The following GNG2 variants were observed in gnomAD, a reference collection of about 807,000 sequenced individuals.
The protein encoded by GNG2 is guanine nucleotide-binding protein G(I)/G(S)/G(O) subunit gamma-2.
A neutral mutation model predicts 5.5 loss-of-function variants in GNG2; 5 were observed. The ratio of observed to expected loss-of-function variants is 0.91; its 90% confidence interval spans 0.48 to 1.92. The LOEUF is 1.92. Ranked by LOEUF, GNG2 falls within the 30% of genes most tolerant of loss-of-function variation. The probability of loss-of-function intolerance (pLI) is 0.01; values close to 1 mark genes in which losing one functional copy is unlikely to be tolerated. For synonymous variants in GNG2, 28 were observed against 32.0 expected (o/e 0.88, Z 0.42); for missense variants, 55 against 88.4 (o/e 0.62, Z 1.52).
chr14:51,917,051 C>T (rs1055740617), intron 2 of GNG2, among the ~76,000 whole-genome samples: 1 of 152,148 alleles, frequency 6.6e-6, no homozygotes, highest in African/African-American at 2.4e-5. Context: ...TGGGCAGAGC[C>T]TGGTGAAAGC....
At chr14:51,839,681 T>G (rs1489573165) in intron 2 of GNG2, among the ~76,000 whole-genome samples, 1 of 152,192 alleles carries the variant, frequency 6.6e-6, no homozygotes, top group Non-Finnish European at 1.5e-5. Context: ...GTTCTATATC[T>G]TGATCGTGGT....
chr14:51,838,842 T>G (rs532201007), intron 2 of GNG2, among the ~76,000 whole-genome samples: 1 of 152,138 alleles, frequency 6.6e-6, no homozygotes, highest in South Asian at 2.1e-4. Context: ...AGATCAAGGC[T>G]GCAGTGAGCT....
chr14:51,943,426 C>T (rs373991298), intron 2 of GNG2, among the ~76,000 whole-genome samples: 12 of 152,194 alleles, frequency 7.9e-5, no homozygotes, highest in African/African-American at 2.7e-4. Context: ...GAAAAAGGGA[C>T]ACTAGCAAAG....
chr14:51,957,005 T>TGCCCC (rs1566714212), intron 3 of GNG2, among the ~76,000 whole-genome samples: 1 of 152,058 alleles, frequency 6.6e-6, no homozygotes, highest in Non-Finnish European at 1.5e-5. Flanking sequence ...GAGTACCACC[T>TGCCCC]GCCCCACCCC....
At chr14:51,829,733 C>A (rs562704898) in intron 2 of GNG2, among the ~76,000 whole-genome samples, 13 of 152,252 alleles carry the variant, frequency 8.5e-5, no homozygotes, top group African/African-American at 3.1e-4. Flanking sequence ...TCCACCACTC[C>A]AATTCTGCTC....
At chr14:51,904,286 C>T (rs1555353122) in intron 2 of GNG2, among the ~76,000 whole-genome samples, 1 of 152,178 alleles carries the variant, frequency 6.6e-6, no homozygotes, top group Non-Finnish European at 1.5e-5. Flanking sequence ...TACCAGCTTC[C>T]AGTTCAGGGT....
At chr14:51,874,686 G>A (rs932160998) in intron 1 of GNG2, among the ~76,000 whole-genome samples, 9 of 151,416 alleles carry the variant, frequency 5.9e-5, no homozygotes, top group African/African-American at 1.7e-4. Context: ...AGTGAGCCAC[G>A]TTCACACCAC....
At chr14:51,950,819 A>G (rs1888931940) in intron 3 of GNG2, 54 bp downstream of exon 3, 2 of 1,033,622 alleles carry the variant, frequency 1.9e-6, no homozygotes, top group East Asian at 5.5e-5. Context: ...GGCGCATGTC[A>G]TGTGACCACT....
chr14:51,895,816 G>A (rs2140169296), intron 2 of GNG2, among the ~76,000 whole-genome samples: 1 of 152,302 alleles, frequency 6.6e-6, no homozygotes, highest in South Asian at 2.1e-4. Context: ...GGTCTTTCCT[G>A]TGCTGTTCTT....
intron 3 of GNG2, among the ~76,000 whole-genome samples, chr14:51,951,044 C>T (rs768314734): frequency 6.6e-6 from 1 of 152,014 alleles, no homozygotes; most frequent in Non-Finnish European, 1.5e-5. Context: ...TTAGAGAACA[C>T]ATAAAATATA....
chr14:51,946,530 G>A (rs990704285), intron 2 of GNG2, among the ~76,000 whole-genome samples: 11 of 152,200 alleles, frequency 7.2e-5, no homozygotes, highest in Admixed American at 5.9e-4. Context: ...ATCAAAATGT[G>A]TACAGTTTCA....
chr14:51,931,618 T>G (rs1887663705), intron 2 of GNG2, among the ~76,000 whole-genome samples: 1 of 151,704 alleles, frequency 6.6e-6, no homozygotes, highest in African/African-American at 2.4e-5. Flanking sequence ...ATCAGGGAGA[T>G]GAATCAAACC....
chr14:51,909,618 G>A (rs1428830796), intron 2 of GNG2, among the ~76,000 whole-genome samples: 1 of 152,172 alleles, frequency 6.6e-6, no homozygotes, highest in African/African-American at 2.4e-5. Flanking sequence ...GACCCCGTGA[G>A]TGACTGATTC....
At chr14:51,942,479 T>G (rs1285869038) in intron 2 of GNG2, among the ~76,000 whole-genome samples, 1 of 152,152 alleles carries the variant, frequency 6.6e-6, no homozygotes, top group Admixed American at 6.5e-5. Flanking sequence ...CCTTCCTGGT[T>G]GGTTACCACT....
At chr14:51,918,379 A>G (rs1439072015) in intron 2 of GNG2, among the ~76,000 whole-genome samples, 2 of 151,548 alleles carry the variant, frequency 1.3e-5, no homozygotes. Flanking sequence ...GTCAACTTTT[A>G]CCTCCTTCAT....
At chr14:51,948,272 T>G (rs1428972098) in intron 2 of GNG2, among the ~76,000 whole-genome samples, 1 of 152,182 alleles carries the variant, frequency 6.6e-6, no homozygotes, top group Admixed American at 6.5e-5. Flanking sequence ...TCGTTACTAA[T>G]GAAGAAGAAA....
intron 1 of GNG2, among the ~76,000 whole-genome samples, chr14:51,863,355 G>T (rs1018711287): frequency 6.6e-6 from 1 of 152,126 alleles, no homozygotes; most frequent in South Asian, 2.1e-4. Flanking sequence ...CATAATCAAA[G>T]TTGTTGTTTT....
intron 2 of GNG2, among the ~76,000 whole-genome samples, chr14:51,945,474 A>G (rs189670026): frequency 6.5e-4 from 99 of 152,228 alleles, no homozygotes; most frequent in Admixed American, 1.1e-3. Flanking sequence ...TGAGATACCT[A>G]AAGTAGTCAA....
rs1881144001 is a variant in GNG2, at chr14:51,830,199, G to C, written c.64+2392G>C. Among the ~76,000 whole-genome samples, 3 of 152,110 alleles carry C rather than the reference G, an allele frequency of 2.0e-5. No homozygotes were observed. The South Asian group carries it at 6.2e-4, about 32-fold the overall frequency. ...GACTTCCAGGATTCCTAACTCTCCT[G>C]GGTTTCCTTCTCTACGATTAGCCAT... On this transcript the variant is annotated intron_variant, in intron 2 of 3. Coordinates refer to the GNG2 transcript ENST00000553432.
Sources: gnomAD v4.1 joint callset for allele counts (sites outside exome capture counted in the v4.1 genomes callset) on GRCh38, gnomAD v4.1.1 for gene constraint, MANE v1.5 for transcripts, NCBI Gene and HGNC (gene_info 2026-07-23, HGNC 2026-07-21) for gene names.